Variants in MED12L observed in about 807,000 individuals in gnomAD.
The protein encoded by MED12L is mediator complex subunit 12L.
Under a neutral mutation model 281.3 loss-of-function variants are expected in MED12L, and 60 were observed. The observed-to-expected ratio is 0.21, with a 90% confidence interval of 0.17 to 0.26. The LOEUF is 0.26. Ranked by LOEUF, MED12L falls within the 10% of genes least tolerant of loss-of-function variation. The probability of loss-of-function intolerance (pLI) is 1.00; values close to 1 mark genes in which losing one functional copy is unlikely to be tolerated. For synonymous variants in MED12L, 974 were observed against 987.2 expected (o/e 0.99, Z 0.25); for missense variants, 2,146 against 2,680.9 (o/e 0.80, Z 4.41).
chr3:151,149,321 G>C (rs1303395048), intron 5 of MED12L, among the ~76,000 whole-genome samples: 1 of 152,182 alleles, frequency 6.6e-6, no homozygotes, highest in African/African-American at 2.4e-5. Context: ...ATGGGTTCCA[G>C]ACTGCTACAA....
intron 5 of MED12L, among the ~76,000 whole-genome samples, chr3:151,145,029 G>A (rs900822474): frequency 6.6e-6 from 1 of 152,176 alleles, no homozygotes; most frequent in African/African-American, 2.4e-5. Context: ...CTCTGTGCCA[G>A]TCACTGTTTT....
rs1000753223 is a variant in MED12L, at chr3:151,433,518, T to C, written c.*714T>C. ...TGTGCGGAAACCTGTTAGAAGTAGC[T>C]GTACTCAAATTTGTTTTGAGGCAAG... On this transcript the variant is annotated 3_prime_UTR_variant, in exon 45 of 45. Transcript: ENST00000687756. 1 of 152,598 alleles carries C rather than the reference T, an allele frequency of 6.6e-6. No individual in the cohort carries two copies. Among genetic ancestry groups the C allele is most frequent in the Non-Finnish European group, 1.5e-5 (1 of 68,046 alleles). The allele number at this position is 152,598 out of a possible 1,614,324, so 9.5% of individuals were successfully genotyped here.
intron 16 of MED12L, among the ~76,000 whole-genome samples, chr3:151,298,518 G>C (rs1033666861): frequency 1.3e-5 from 2 of 152,210 alleles, no homozygotes; most frequent in Admixed American, 6.5e-5. Flanking sequence ...GCTTGACACA[G>C]AGCGATAATT....
chr3:151,320,894 A>T (rs1748918117), intron 16 of MED12L, among the ~76,000 whole-genome samples: 1 of 152,224 alleles, frequency 6.6e-6, no homozygotes, highest in Admixed American at 6.5e-5. Context: ...TGGGCAAAGC[A>T]TATCTTCTTC....
intron 16 of MED12L, among the ~76,000 whole-genome samples, chr3:151,260,691 C>T (rs1328647464): frequency 6.6e-6 from 1 of 152,124 alleles, no homozygotes; most frequent in Non-Finnish European, 1.5e-5. Flanking sequence ...AAGTACAGCT[C>T]AATGCTGACC....
intron 5 of MED12L, 32 bp from the exon 6 acceptor site, chr3:151,156,129 G>C (rs910915364): frequency 1.3e-6 from 2 of 1,557,706 alleles, no homozygotes; most frequent in African/African-American, 1.4e-5. Flanking sequence ...ATTGTGTCTA[G>C]AAACTCATAT....
At chr3:151,225,326 T>G (rs1238287284) in intron 16 of MED12L, among the ~76,000 whole-genome samples, 1 of 152,186 alleles carries the variant, frequency 6.6e-6, no homozygotes, top group Admixed American at 6.5e-5. Flanking sequence ...TATTGAGTCA[T>G]TTATAAAGAA....
chr3:151,097,112 T>A (rs1285967374), intron 2 of MED12L, among the ~76,000 whole-genome samples: 1 of 152,192 alleles, frequency 6.6e-6, no homozygotes, highest in African/African-American at 2.4e-5. Flanking sequence ...ATTTGTGGAC[T>A]GTGTGTGTGC....
chr3:151,159,482 T>G (rs1013885948), intron 7 of MED12L, among the ~76,000 whole-genome samples: 1 of 152,176 alleles, frequency 6.6e-6, no homozygotes, highest in Non-Finnish European at 1.5e-5. Context: ...CAGTCCAAAT[T>G]GATGTGTGCT....
Position 151,341,818 on chromosome 3 carries a change from A to G in MED12L, c.2251-8241A>G, listed in dbSNP as rs570283786. Among the ~76,000 whole-genome samples, 276 of 151,782 alleles carry G rather than the reference A, an allele frequency of 1.8e-3. 1 individual carries two copies. The highest frequency in any genetic ancestry group is 3.0e-3 in the Non-Finnish European group (207 of 67,960). On this transcript the variant is annotated intron_variant, in intron 16 of 44. Coordinates refer to ENST00000687756, the MANE Select transcript of MED12L (RefSeq NM_001393769.1). ...GTTCAGTTCCCACCTATGAGTGAGA[A>G]TATGTGGTGTTTGGTTTTTTGTTCT...
Position 151,413,237 on chromosome 3 carries a change from C to G in MED12L, c.6239C>G (p.Pro2080Arg). 2.5e-6 allele frequency: 4 copies of G among 1,614,172 alleles called. No individual in the cohort carries two copies. The highest frequency in any genetic ancestry group is 3.4e-6 in the Non-Finnish European group (4 of 1,180,040). The change falls in exon 42 of 45, where the codon CCT becomes CGT. Residue 2080 changes from proline (P) to arginine (R), a missense_variant. By Grantham distance (103) the Pro-to-Arg change is moderately radical. Coordinates refer to ENST00000687756, the MANE Select transcript of MED12L (RefSeq NM_001393769.1). ...AHPNLPSVPL[P>R]QDPMRPRQPQ... Reference sequence around the variant, plus strand: ...CCAAACCTTCCCTCCGTGCCCCTGCCTCAGGATCCCATGAGACCCAGACAG... The same window carrying G: ...CCAAACCTTCCCTCCGTGCCCCTGCGTCAGGATCCCATGAGACCCAGACAG...
chr3:151,298,872 C>T (rs1025029199), intron 16 of MED12L, among the ~76,000 whole-genome samples: 4 of 152,114 alleles, frequency 2.6e-5, no homozygotes, highest in Admixed American at 6.5e-5. Context: ...TCAAGTTTCC[C>T]GGTAACCACA....
chr3:151,355,098 G>C (rs191954105), intron 17 of MED12L, 23 bp from the exon 18 acceptor site: 1 of 1,554,666 alleles, frequency 6.4e-7, no homozygotes, highest in East Asian at 2.2e-5. Context: ...GGAAAATAAT[G>C]GATCTGCTTT....
At chr3:151,328,734 G>T in intron 16 of MED12L, 1 of 1,613,992 alleles carries the variant, frequency 6.2e-7, no homozygotes, top group Non-Finnish European at 8.5e-7. Context: ...AGCTGCCAGG[G>T]TGCCAGGTGT....
intron 31 of MED12L, 54 bp from the exon 32 acceptor site, chr3:151,380,059 G>A (rs897784962): frequency 1.8e-6 from 2 of 1,098,764 alleles, no homozygotes; most frequent in South Asian, 3.0e-5. Context: ...GTTGCCAGAG[G>A]AAGTAATGCA....
chr3:151,142,791 A>G (rs62284836), intron 5 of MED12L, among the ~76,000 whole-genome samples: 2 of 151,966 alleles, frequency 1.3e-5, no homozygotes, highest in Non-Finnish European at 2.9e-5. Flanking sequence ...TTGCACTGGA[A>G]TGTTAATTCC....
intron 39 of MED12L, among the ~76,000 whole-genome samples, chr3:151,406,749 T>C (rs1716355011): frequency 6.6e-6 from 1 of 152,146 alleles, no homozygotes; most frequent in Admixed American, 6.5e-5. Context: ...CTGAATGTTT[T>C]GTGATTTTTA....
At chr3:151,093,907 A>G (rs1720388885) in intron 2 of MED12L, among the ~76,000 whole-genome samples, 1 of 152,194 alleles carries the variant, frequency 6.6e-6, no homozygotes, top group Non-Finnish European at 1.5e-5. Flanking sequence ...AGCCTGTCAG[A>G]TATTTCCCTT....
intron 5 of MED12L, among the ~76,000 whole-genome samples, chr3:151,142,707 CT>C (rs1717227420): frequency 6.6e-6 from 1 of 151,998 alleles, no homozygotes; most frequent in Admixed American, 6.6e-5. Flanking sequence ...ATACAGTGGC[CT>C]TGTTTTTTAA....
Sources: gnomAD v4.1 joint callset for allele counts (sites outside exome capture counted in the v4.1 genomes callset) on GRCh38, gnomAD v4.1.1 for gene constraint, MANE v1.5 for transcripts, NCBI Gene and HGNC (gene_info 2026-07-23, HGNC 2026-07-21) for gene names.